ZP4: variants seen among roughly 807,000 people sequenced by gnomAD.
ZP4 encodes zona pellucida glycoprotein 4.
ZP4 carries 62 observed loss-of-function variants against 62.3 expected under a neutral mutation model. The observed-to-expected ratio is 0.99, with a 90% confidence interval of 0.81 to 1.23. The LOEUF (loss-of-function observed/expected upper bound fraction) is 1.23, where lower values mean the gene tolerates loss of function less well. Among genes scored for constraint, ZP4 ranks in the 50% most tolerant of loss-of-function variants. The pLI is 0.00. For synonymous variants in ZP4, 289 were observed against 247.3 expected, an observed-to-expected ratio of 1.17 and a Z score of -1.58; for missense variants, 774 against 656.0, an observed-to-expected ratio of 1.18 and a Z score of -1.97.
intron 10 of ZP4, 135 bp from the exon 11 acceptor site, chr1:237,882,981 T>A: frequency 1.7e-6 from 1 of 601,144 alleles, no homozygotes; most frequent in Non-Finnish European, 2.9e-6. Flanking sequence ...TTAAGTATAT[T>A]AATATGTACT....
In ZP4 at chr1:237,882,756, G is replaced by A. The variant is rs35187146; in HGVS notation, c.1481C>T (p.Pro494Leu). The part of the protein sequence containing the change: ...PMILLQATKD[P>L]PEKLRVPVDS... ...TGGATACTTACGGAGCTTTTCTGGAGGGTCCTTAGTGGCTTGGAGTAGAAT... is the reference window on the plus strand; with the variant it reads ...TGGATACTTACGGAGCTTTTCTGGAAGGTCCTTAGTGGCTTGGAGTAGAAT... The change falls in exon 11 of 12, where the codon CCT becomes CTT. Residue 494 changes from proline to leucine, a missense_variant. Pro to Leu is a moderately conservative substitution (Grantham distance 98). Transcript: ENST00000366570. 3.3e-3 allele frequency: 5,281 copies of A among 1,614,084 alleles called. 133 individuals are homozygous for A. The African/African-American group carries it at 0.056, about 17-fold the overall frequency.
intron 9 of ZP4, 24 bp downstream of exon 9, chr1:237,885,141 G>C (rs767641159): frequency 3.7e-6 from 6 of 1,609,712 alleles, no homozygotes; most frequent in Non-Finnish European, 5.1e-6. Flanking sequence ...GCCCTGGTGA[G>C]TGTCATGGAA....
chr1:237,887,992 A>G (rs1665145635), intron 4 of ZP4, among the ~76,000 whole-genome samples: 1 of 152,220 alleles, frequency 6.6e-6, no homozygotes, highest in African/African-American at 2.4e-5. Context: ...TTTATGTTAG[A>G]AAACCTCAGA....
Position 237,884,840 on chromosome 1 carries a change from A to C in ZP4, c.1319T>G (p.Leu440Arg). 6.2e-7 allele frequency: 1 copy of C among 1,613,330 alleles called. No individual in the cohort carries two copies. Among genetic ancestry groups the C allele is most frequent in the Non-Finnish European group, 8.5e-7 (1 of 1,179,696 alleles). ...EKQALRGPVH[L>R]HCSVSVCQPA... ...CTGGCAGACTGACACGCTGCAGTGC[A>C]GATGCACCTGGGAGCCAACAGAATT... The change falls in exon 10 of 12, where the codon CTG (leucine) becomes CGG (arginine). Residue 440 changes from leucine (L) to arginine (R), a missense_variant. Physicochemically the swap from Leu to Arg is moderately radical, Grantham distance 102. Transcript: ENST00000366570.
intron 10 of ZP4, among the ~76,000 whole-genome samples, chr1:237,884,268 A>C (rs1665042690): frequency 6.6e-6 from 1 of 152,168 alleles, no homozygotes; most frequent in Non-Finnish European, 1.5e-5. Context: ...AAGGCACTTA[A>C]AGCTTTAGAG....
chr1:237,889,645 A>G (rs560537154), intron 3 of ZP4, among the ~76,000 whole-genome samples: 7 of 152,274 alleles, frequency 4.6e-5, no homozygotes, highest in African/African-American at 1.7e-4. Context: ...TGTTAGGGTT[A>G]GGGAAGGTAA....
intron 10 of ZP4, among the ~76,000 whole-genome samples, chr1:237,883,890 GT>G (rs1665004419): frequency 6.6e-6 from 1 of 150,794 alleles, no homozygotes; most frequent in African/African-American, 2.5e-5. Context: ...AGCTCAGGAG[GT>G]CGAGGCTACC....
In ZP4 at chr1:237,884,838, G is replaced by A. The variant is rs778160622; in HGVS notation, c.1321C>T (p.His441Tyr). The stretch of plus-strand genomic sequence containing the variant: ...GGCTGGCAGACTGACACGCTGCAGT[G>A]CAGATGCACCTGGGAGCCAACAGAA... ...KQALRGPVHL[H>Y]CSVSVCQPAE... The change falls in exon 10 of 12, where the codon CAC becomes TAC. Residue 441 changes from histidine (H) to tyrosine (Y), a missense_variant. Physicochemically the swap from His to Tyr is moderately conservative, Grantham distance 83 (BLOSUM62 2). Coordinates refer to ENST00000366570, the MANE Select transcript of ZP4 (RefSeq NM_021186.5). The A allele has an allele frequency of 1.9e-6, 3 of 1,613,410 alleles. No homozygotes were observed. Among genetic ancestry groups the A allele is most frequent in the Admixed American group, 3.3e-5 (2 of 59,952 alleles).
rs148730990 is a variant in ZP4 at position 237,882,434 on chromosome 1, T to G, written c.1611A>C (p.Gln537His). 1 of 1,610,802 alleles carries G rather than the reference T, an allele frequency of 6.2e-7. No homozygotes were observed. The highest frequency in any genetic ancestry group is 8.5e-7 in the Non-Finnish European group (1 of 1,179,320). The change falls in exon 12 of 12, where the codon CAA becomes CAC. Residue 537 changes from glutamine to histidine, a missense_variant. Physicochemically the swap from Gln to His is conservative, Grantham distance 24. Coordinates refer to ENST00000366570, the MANE Select transcript of ZP4 (RefSeq NM_021186.5). Reference sequence around the variant, plus strand: ...ATACACTCTGGTTTTATTGACACATTTGGTCTGGGCAACTCTTCTGTTTCT... The same window carrying G: ...ATACACTCTGGTTTTATTGACACATGTGGTCTGGGCAACTCTTCTGTTTCT... ...AVKKQKSCPD[Q>H]MCQ
chr1:237,888,005 A>G (rs1029954528), intron 4 of ZP4, among the ~76,000 whole-genome samples: 1 of 152,218 alleles, frequency 6.6e-6, no homozygotes, highest in Admixed American at 6.5e-5. Flanking sequence ...ACCTCAGAGC[A>G]GGATTAGAGA....
chr1:237,888,748 T>A lies in ZP4; in HGVS notation c.401-238A>T, dbSNP rs111693157. On this transcript the variant is annotated intron_variant, in intron 3 of 11. Transcript: ENST00000366570. ...GCTATTAGTTTTTTAAAAACAAGAA[T>A]GTCAACAAAATTGGTAGAAGCAGTT... Among the ~76,000 whole-genome samples the A allele has an allele frequency of 9.6e-3, 1,455 of 152,306 alleles. 19 individuals are homozygous for A. Among genetic ancestry groups the A allele is most frequent in the African/African-American group, 0.033 (1,354 of 41,578 alleles).
At chr1:237,883,659 AGGGCCGGGG>A (rs1558529954) in intron 10 of ZP4, among the ~76,000 whole-genome samples, 7 of 5,602 alleles carry the variant, frequency 1.2e-3, no homozygotes, top group Admixed American at 6.2e-3. Context: ...AGGGCGGGGG[AGGGCCGGGG>A]GAGGGCGGGG....
chr1:237,882,478 C>T lies in ZP4; in HGVS notation c.1567G>A (p.Val523Ile). The T allele has an allele frequency of 6.2e-7, 1 of 1,609,668 alleles. No homozygotes were observed. The highest frequency in any genetic ancestry group is 8.5e-7 in the Non-Finnish European group (1 of 1,179,038). The change falls in exon 12 of 12, where the codon GTA (valine) becomes ATA (isoleucine). Residue 523 changes from valine (V) to isoleucine (I), a missense_variant. Val to Ile is a conservative substitution (Grantham distance 29). Coordinates refer to ENST00000366570, the MANE Select transcript of ZP4 (RefSeq NM_021186.5). The part of the protein sequence containing the change: ...SGTLILGALL[V>I]SYLAVKKQKS... ...TGTTTCTTGACAGCCAAGTAGGATA[C>T]TAACAAGGCTCCAAGGATTAAGGTC...
At position 237,884,027 on chromosome 1, in the gene ZP4, C is replaced by A. The variant is rs1219544728; in HGVS notation, c.1390+742G>T. ...ACACACACACACACAAACACACACA[C>A]ACACAAACACACACAAACACACACA... On this transcript the variant is annotated intron_variant, in intron 10 of 11. Coordinates refer to ENST00000366570, the MANE Select transcript of ZP4 (RefSeq NM_021186.5). 1.3e-3 allele frequency among the ~76,000 whole-genome samples: 113 copies of A among 84,138 alleles called. 3 individuals carry two copies. The highest frequency in any genetic ancestry group is 2.6e-3 in the Admixed American group (24 of 9,164). 55.2% of individuals were successfully genotyped at this position (84,138 alleles called of 152,430 possible).
intron 2 of ZP4, 31 bp from the exon 3 acceptor site, chr1:237,890,000 G>A (rs573153718): frequency 5.8e-5 from 94 of 1,613,990 alleles, no homozygotes; most frequent in Non-Finnish European, 7.6e-5. Flanking sequence ...GGGTCAGCCT[G>A]GATGGTAGCA....
At chr1:237,885,052 C>A in intron 9 of ZP4, 113 bp downstream of exon 9, 1 of 1,459,178 alleles carries the variant, frequency 6.9e-7, no homozygotes. Flanking sequence ...TGAGTCAGTA[C>A]CAATAGCCAG....
At position 237,885,516 on chromosome 1, in the gene ZP4, G is replaced by A. The variant is rs751553911; in HGVS notation, c.1035C>T (p.Pro345=). 6.2e-6 allele frequency: 10 copies of A among 1,613,998 alleles called. No individual in the cohort carries two copies. Among genetic ancestry groups the A allele is most frequent in the Non-Finnish European group, 8.5e-6 (10 of 1,180,038 alleles). The change falls in exon 8 of 12, where the codon CCC becomes CCT. Residue 345 remains proline, a synonymous_variant. Coordinates refer to ENST00000366570, the MANE Select transcript of ZP4 (RefSeq NM_021186.5). ...GAAGGATGGAGACCTCCACGTAAAT[G>A]GGATCCCGAAGCAACTTCACCACTG... ...DYPVVKLLRD[P]IYVEVSILHR... is the part of the protein sequence containing the mutation.
At chr1:237,885,035 G>T (rs1015892515) in intron 9 of ZP4, 130 bp downstream of exon 9, 3 of 1,337,272 alleles carry the variant, frequency 2.2e-6, no homozygotes, top group East Asian at 2.4e-5. Flanking sequence ...AGTAACAAGG[G>T]TTGCTCTGAG....
chr1:237,888,396 C>G lies in ZP4; in HGVS notation c.515G>C (p.Ser172Thr), dbSNP rs764804425. Residue 172 changes from serine (S) to threonine (T), a missense_variant, in exon 4 of 12, where the codon AGC becomes ACC. Ser to Thr is a moderately conservative substitution (Grantham distance 58). Transcript: ENST00000366570. ...GTAGCAGGAATTCACCTCTTCAGAG[C>G]TATAACAACAGCCTAGCCCTTCACA... is the stretch of plus-strand genomic sequence containing the variant. ...GDCEGLGCCY[S>T]SEEVNSCYYG... 3.7e-6 allele frequency: 6 copies of G among 1,606,230 alleles called. No individual in the cohort carries two copies. The Admixed American group carries it at 5.0e-5, about 13-fold the overall frequency.
Sources: allele counts gnomAD v4.1 joint callset (sites outside exome capture counted in the v4.1 genomes callset), GRCh38; gene constraint gnomAD v4.1.1; transcripts MANE v1.5; gene names NCBI Gene and HGNC (gene_info 2026-07-23, HGNC 2026-07-21).